Variants in PTPRD observed in about 807,000 individuals in gnomAD.
PTPRD encodes the protein protein tyrosine phosphatase receptor type D, also known as receptor-type tyrosine-protein phosphatase delta.
Under a neutral mutation model 214.5 loss-of-function variants are expected in PTPRD, and 34 were observed. The observed-to-expected ratio is 0.16, with a 90% CI of 0.12 to 0.21. The LOEUF is 0.21. PTPRD is among the 10% of genes least tolerant of loss of function. The pLI is 1.00. For synonymous variants in PTPRD, 1,128 were observed against 845.7 expected (o/e 1.33, Z -5.79); for missense variants, 2,545 against 2,398.7 (o/e 1.06, Z -1.27).
chr9:9,129,606 G>A (rs1256602235), intron 10 of PTPRD, among the ~76,000 whole-genome samples: 1 of 152,036 alleles, frequency 6.6e-6, no homozygotes, highest in East Asian at 1.9e-4. Flanking sequence ...TAGGTAATAT[G>A]CTACCCCTTA....
At chr9:8,541,476 C>T (rs1454473744) in intron 14 of PTPRD, among the ~76,000 whole-genome samples, 1 of 152,160 alleles carries the variant, frequency 6.6e-6, no homozygotes, top group African/African-American at 2.4e-5. Context: ...AGTGACACTC[C>T]TGCCTCCACT....
intron 33 of PTPRD, among the ~76,000 whole-genome samples, chr9:8,457,071 G>A (rs957254471): frequency 1.3e-5 from 2 of 152,126 alleles, no homozygotes; most frequent in African/African-American, 2.4e-5. Context: ...GTAGATGGAC[G>A]TGCAGTACCA....
intron 9 of PTPRD, among the ~76,000 whole-genome samples, chr9:9,255,364 C>T (rs1255070172): frequency 6.6e-6 from 1 of 151,992 alleles, no homozygotes; most frequent in Non-Finnish European, 1.5e-5. Context: ...AGAAGATATT[C>T]AATTGTTTCC....
At chr9:9,031,470 C>T (rs2099605215) in intron 10 of PTPRD, among the ~76,000 whole-genome samples, 2 of 151,952 alleles carry the variant, frequency 1.3e-5, no homozygotes, top group South Asian at 2.1e-4. Context: ...GTATTGAATA[C>T]TGTAGTCAAT....
At chr9:8,525,711 C>G (rs777441724) in intron 17 of PTPRD, among the ~76,000 whole-genome samples, 8 of 152,084 alleles carry the variant, frequency 5.3e-5, no homozygotes, top group Non-Finnish European at 8.8e-5. Context: ...AAGGCATGGC[C>G]TGTGCCACAA....
At chr9:9,343,062 T>C (rs559225506) in intron 9 of PTPRD, among the ~76,000 whole-genome samples, 2 of 152,230 alleles carry the variant, frequency 1.3e-5, no homozygotes, top group African/African-American at 4.8e-5. Context: ...GGACATGAAC[T>C]CATCCTTTTT....
At chr9:9,807,938 T>G (rs888115122) in intron 5 of PTPRD, among the ~76,000 whole-genome samples, 1 of 152,210 alleles carries the variant, frequency 6.6e-6, no homozygotes, top group Non-Finnish European at 1.5e-5. Flanking sequence ...ATTTTCATAT[T>G]GAAAGTCAGA....
At chr9:8,507,276 A>C (rs1241549973) in intron 22 of PTPRD, 25 bp downstream of exon 22, 1 of 1,603,638 alleles carries the variant, frequency 6.2e-7, no homozygotes, top group Non-Finnish European at 8.5e-7. Context: ...AATAATTCCC[A>C]AGGTGAGAAG....
intron 5 of PTPRD, among the ~76,000 whole-genome samples, chr9:9,881,906 T>C (rs533716314): frequency 6.6e-6 from 1 of 152,178 alleles, no homozygotes; most frequent in East Asian, 1.9e-4. Context: ...GCTGGAGAAA[T>C]GTGAAAGACC....
chr9:10,375,323 A>C (rs540772333), intron 2 of PTPRD, among the ~76,000 whole-genome samples: 1 of 151,954 alleles, frequency 6.6e-6, no homozygotes, highest in African/African-American at 2.4e-5. Context: ...TTTTAAAACT[A>C]TAAGTCTGAT....
intron 2 of PTPRD, among the ~76,000 whole-genome samples, chr9:10,569,023 C>T (rs139056119): frequency 2.2e-4 from 34 of 152,000 alleles, no homozygotes; most frequent in African/African-American, 6.0e-4. Flanking sequence ...AACCTACTCA[C>T]CTGACAAAGG....
chr9:10,062,379 G>A (rs567443564), intron 3 of PTPRD, among the ~76,000 whole-genome samples: 1 of 152,152 alleles, frequency 6.6e-6, no homozygotes, highest in East Asian at 1.9e-4. Flanking sequence ...GCCAAGGTGG[G>A]AGGATTACCT....
intron 8 of PTPRD, among the ~76,000 whole-genome samples, chr9:9,506,237 A>C (rs531759799): frequency 6.6e-6 from 1 of 151,424 alleles, no homozygotes. Context: ...ACATTGCTTT[A>C]TGCAACATGA....
intron 12 of PTPRD, among the ~76,000 whole-genome samples, chr9:8,663,113 T>C (rs2097097593): frequency 1.3e-5 from 2 of 152,166 alleles, no homozygotes; most frequent in Non-Finnish European, 2.9e-5. Context: ...TATTTGGAAT[T>C]GAGCTTTTGA....
At chr9:10,576,860 T>C (rs2132215165) in intron 2 of PTPRD, among the ~76,000 whole-genome samples, 1 of 152,244 alleles carries the variant, frequency 6.6e-6, no homozygotes, top group South Asian at 2.1e-4. Flanking sequence ...TTAACAAGGG[T>C]AGATGCCACC....
At chr9:10,400,384 A>T (rs528839240) in intron 2 of PTPRD, among the ~76,000 whole-genome samples, 2 of 151,748 alleles carry the variant, frequency 1.3e-5, no homozygotes, top group African/African-American at 4.8e-5. Context: ...TTTTAAAATA[A>T]ATACATTTTT....
At chr9:9,829,882 A>G (rs1399277230) in intron 5 of PTPRD, among the ~76,000 whole-genome samples, 2 of 151,828 alleles carry the variant, frequency 1.3e-5, no homozygotes, top group East Asian at 3.9e-4. Context: ...TATTATGTTT[A>G]TAAAATTTTT....
At chr9:10,319,067 T>C (rs1347323773) in intron 3 of PTPRD, among the ~76,000 whole-genome samples, 1 of 152,046 alleles carries the variant, frequency 6.6e-6, no homozygotes, top group African/African-American at 2.4e-5. Flanking sequence ...TCTTAAGAAA[T>C]CATTCATTAT....
intron 3 of PTPRD, among the ~76,000 whole-genome samples, chr9:10,225,841 A>T (rs1046985261): frequency 6.6e-6 from 1 of 152,096 alleles, no homozygotes; most frequent in Non-Finnish European, 1.5e-5. Flanking sequence ...TTGGAATAAG[A>T]CATCTTTATC....
Sources: gnomAD v4.1 joint callset for allele counts (sites outside exome capture counted in the v4.1 genomes callset) on GRCh38, gnomAD v4.1.1 for gene constraint, MANE v1.5 for transcripts, NCBI Gene and HGNC (gene_info 2026-07-23, HGNC 2026-07-21) for gene names.